The following RRM2 variants were observed in gnomAD, a reference collection of about 807,000 sequenced individuals.
The protein encoded by RRM2 is ribonucleoside-diphosphate reductase subunit M2.
In RRM2, 6 loss-of-function variants were observed where a neutral mutation model predicts 45.9. The ratio of observed to expected loss-of-function variants is 0.13; its 90% CI spans 0.07 to 0.26. RRM2 has a LOEUF of 0.26. Ranked by LOEUF, RRM2 falls within the 10% of genes least tolerant of loss-of-function variation. RRM2 has a pLI of 1.00. For synonymous variants in RRM2, 177 were observed against 173.0 expected (o/e 1.02, Z -0.18); for missense variants, 343 against 489.5 (o/e 0.70, Z 2.82).
At chr2:10,193,950 G>T (rs756214851) in intron 3 of RRM2, among the ~76,000 whole-genome samples, 1 of 152,178 alleles carries the variant, frequency 6.6e-6, no homozygotes, top group African/African-American at 2.4e-5. Flanking sequence ...GGGCTGGAGC[G>T]TGGAACCCAG....
At chr2:10,203,259 C>T (rs1322798573) in intron 3 of RRM2, among the ~76,000 whole-genome samples, 1 of 152,186 alleles carries the variant, frequency 6.6e-6, no homozygotes, top group African/African-American at 2.4e-5. Flanking sequence ...TTTATCATAC[C>T]ATCCCAGGGG....
rs1312289625 is a variant in RRM2 at position 10,195,419 on chromosome 2, C to T, written n.483-14892C>T. On this transcript the variant is annotated intron_variant and non_coding_transcript_variant, in intron 3 of 3. Transcript: ENST00000381786. The surrounding 1 kb of genome is among the most constrained non-coding windows in gnomAD (Gnocchi z 4.9). ...GGCGGAGCCCTGGGGAGCACCGAGT[C>T]CCCGCCGTGATGGGTCCCTGAAGCA... Among the ~76,000 whole-genome samples the T allele has an allele frequency of 6.6e-6, 1 of 151,984 alleles. No homozygotes were observed. Among genetic ancestry groups the T allele is most frequent in the Non-Finnish European group, 1.5e-5 (1 of 67,966 alleles).
intron 3 of RRM2, among the ~76,000 whole-genome samples, chr2:10,180,007 G>A (rs553070020): frequency 5.9e-5 from 9 of 152,164 alleles, no homozygotes; most frequent in East Asian, 5.8e-4. Flanking sequence ...CTGTGAGAGC[G>A]GCCCCACCAA....
At chr2:10,124,892 A>G (rs780632914) in intron 5 of RRM2, 42 bp downstream of exon 5, 2 of 1,556,922 alleles carry the variant, frequency 1.3e-6, no homozygotes, top group Non-Finnish European at 8.7e-7. Context: ...AGGACTCACT[A>G]ATTGTTGATT....
At chr2:10,203,356 CT>C (rs1227296111) in intron 3 of RRM2, among the ~76,000 whole-genome samples, 1 of 152,204 alleles carries the variant, frequency 6.6e-6, no homozygotes. Flanking sequence ...CTCAAGCAAG[CT>C]GCTTAACCTC....
intron 3 of RRM2, among the ~76,000 whole-genome samples, chr2:10,162,700 C>T (rs554537520): frequency 6.6e-6 from 1 of 151,434 alleles, no homozygotes; most frequent in Admixed American, 6.6e-5. Flanking sequence ...ACCCCCCTGC[C>T]GAGGCCTGGG....
chr2:10,201,202 T>G lies in RRM2; in HGVS notation n.483-9109T>G, dbSNP rs552729666. 9.4e-4 allele frequency among the ~76,000 whole-genome samples: 143 copies of G among 151,890 alleles called. 4 individuals are homozygous for G. Among genetic ancestry groups the G allele is most frequent in the Non-Finnish European group, 2.4e-4 (16 of 67,988 alleles). On this transcript the variant is annotated intron_variant and non_coding_transcript_variant, in intron 3 of 3. Coordinates refer to the RRM2 transcript ENST00000381786. The stretch of plus-strand genomic sequence containing the variant: ...AAGAAAACAGACTTGTATTGCACCT[T>G]TGCAAATAACCATACTGCCATAATT...
chr2:10,133,630 G>A (rs1368589632), downstream of RRM2, among the ~76,000 whole-genome samples: 1 of 151,964 alleles, frequency 6.6e-6, no homozygotes, highest in African/African-American at 2.4e-5. Context: ...CCCTCCTGGT[G>A]TCTGTCTGGA....
At chr2:10,201,079 G>T (rs1228584759) in intron 3 of RRM2, among the ~76,000 whole-genome samples, 2 of 151,602 alleles carry the variant, frequency 1.3e-5, no homozygotes, top group Non-Finnish European at 2.9e-5. Context: ...AACCTGGGAG[G>T]TGGAGGTTGC....
intron 3 of RRM2, among the ~76,000 whole-genome samples, chr2:10,152,266 T>A (rs1663328764): frequency 6.6e-6 from 1 of 152,040 alleles, no homozygotes; most frequent in Non-Finnish European, 1.5e-5. Flanking sequence ...CATTTAAAAA[T>A]ATCGAGTTGT....
intron 3 of RRM2, among the ~76,000 whole-genome samples, chr2:10,166,735 C>T (rs370493034): frequency 2.0e-5 from 3 of 152,342 alleles, no homozygotes; most frequent in African/African-American, 4.8e-5. Flanking sequence ...GATGCTCCCA[C>T]GCAGCAGTGC....
chr2:10,176,990 A>G (rs2125324194), intron 3 of RRM2, among the ~76,000 whole-genome samples: 1 of 152,342 alleles, frequency 6.6e-6, no homozygotes, highest in South Asian at 2.1e-4. Flanking sequence ...TCATGCCGGT[A>G]ATCCCAGCAT....
intron 3 of RRM2, among the ~76,000 whole-genome samples, chr2:10,152,778 T>A (rs1663340470): frequency 1.3e-5 from 2 of 151,760 alleles, no homozygotes; most frequent in Non-Finnish European, 2.9e-5. Context: ...CCACCACACC[T>A]GGCCCCTGTG....
chr2:10,161,630 G>A (rs1302841701), intron 3 of RRM2, among the ~76,000 whole-genome samples: 1 of 151,898 alleles, frequency 6.6e-6, no homozygotes, highest in Non-Finnish European at 1.5e-5. Context: ...ACTCACACAT[G>A]CTCACTCATG....
At chr2:10,168,607 T>C (rs1028803521) in intron 3 of RRM2, among the ~76,000 whole-genome samples, 7 of 152,174 alleles carry the variant, frequency 4.6e-5, no homozygotes, top group African/African-American at 1.7e-4. Flanking sequence ...GGGGTTGGGG[T>C]GGGTCTCACA....
chr2:10,199,313 G>T (rs1572533423), intron 3 of RRM2: 1 of 146,866 alleles, frequency 6.8e-6, no homozygotes, highest in South Asian at 2.1e-4. Flanking sequence ...AAAAGAAAAA[G>T]GAAAAATTGA....
At chr2:10,200,866 G>A (rs1041718456) in intron 3 of RRM2, among the ~76,000 whole-genome samples, 6 of 152,172 alleles carry the variant, frequency 3.9e-5, no homozygotes, top group Non-Finnish European at 8.8e-5. Context: ...CAGACTTTTG[G>A]TCGGGTGCCA....
intron 5 of RRM2, among the ~76,000 whole-genome samples, chr2:10,126,173 A>G (rs1308376733): frequency 3.0e-5 from 2 of 67,642 alleles, no homozygotes; most frequent in Non-Finnish European, 6.3e-5. Context: ...AAAAAAAAAA[A>G]AAAAAAAAAA....
At chr2:10,128,788 A>G in intron 7 of RRM2, 60 bp from the exon 8 acceptor site, 1 of 1,189,848 alleles carries the variant, frequency 8.4e-7, no homozygotes, top group Admixed American at 1.7e-5. Context: ...AAGTAATTTC[A>G]TATTCCATGT....
Sources: allele counts gnomAD v4.1 joint callset (sites outside exome capture counted in the v4.1 genomes callset), GRCh38; gene constraint gnomAD v4.1.1; non-coding constraint Gnocchi (gnomAD v3.1); transcripts MANE v1.5; gene names NCBI Gene and HGNC (gene_info 2026-07-23, HGNC 2026-07-21).